ASCC3: variants seen among roughly 807,000 people sequenced by gnomAD.
ASCC3 encodes the protein ASC-1 complex subunit P200.
Under a neutral mutation model 256.3 loss-of-function variants are expected in ASCC3, and 158 were observed. That is an observed-to-expected ratio of 0.62 (90% CI 0.54 to 0.70). The LOEUF (loss-of-function observed/expected upper bound fraction) is 0.70, where lower values mean the gene tolerates loss of function less well. Ranked by LOEUF, ASCC3 falls within the 30% of genes least tolerant of loss-of-function variation. ASCC3 has a pLI of 0.00. For synonymous variants in ASCC3, 948 were observed against 883.4 expected (o/e 1.07, Z -1.30); for missense variants, 2,259 against 2,626.0 (o/e 0.86, Z 3.05).
In ASCC3 at chr6:100,613,504, T is replaced by A. The variant is rs145672964; in HGVS notation, c.4786-6416A>T. 8.2e-3 allele frequency among the ~76,000 whole-genome samples: 1,241 copies of A among 152,190 alleles called. 9 individuals carry two copies. Among genetic ancestry groups the A allele is most frequent in the Non-Finnish European group, 0.011 (756 of 67,984 alleles). On this transcript the variant is annotated intron_variant, in intron 30 of 41. Transcript: ENST00000369162. ...TTCATTCTTTTTTATGGCTGAATAGTATTCTATTTTGTATATATACATTTT... is the reference window on the plus strand; with the variant it reads ...TTCATTCTTTTTTATGGCTGAATAGAATTCTATTTTGTATATATACATTTT...
intron 10 of ASCC3, among the ~76,000 whole-genome samples, chr6:100,761,682 C>T (rs906535474): frequency 2.0e-5 from 3 of 152,004 alleles, no homozygotes; most frequent in Admixed American, 2.0e-4. Flanking sequence ...ATGACTATGG[C>T]TGCACAAAAA....
intron 23 of ASCC3, 109 bp downstream of exon 23, chr6:100,643,917 CATAAA>C (rs887177384): frequency 1.5e-5 from 11 of 710,004 alleles, no homozygotes; most frequent in African/African-American, 1.4e-4. Context: ...GAAACTAAAA[CATAAA>C]ATAAAGTTTT....
intron 8 of ASCC3, among the ~76,000 whole-genome samples, chr6:100,775,989 TTTAAG>T (rs1782167563): frequency 6.6e-6 from 1 of 152,096 alleles, no homozygotes. Flanking sequence ...TAACAAATGC[TTTAAG>T]TTAAGAAAAC....
chr6:100,700,201 C>A (rs372610789), intron 13 of ASCC3, among the ~76,000 whole-genome samples: 7 of 152,114 alleles, frequency 4.6e-5, no homozygotes, highest in African/African-American at 1.7e-4. Context: ...CCCCATGCTG[C>A]GTGCAGCCTA....
At chr6:100,642,162 A>T (rs1201682949) in intron 24 of ASCC3, among the ~76,000 whole-genome samples, 1 of 126,556 alleles carries the variant, frequency 7.9e-6, no homozygotes, top group South Asian at 2.4e-4. Context: ...TTAAAGTATT[A>T]AAAAAAAAAA....
intron 4 of ASCC3, among the ~76,000 whole-genome samples, chr6:100,809,083 T>A (rs1361964220): frequency 6.6e-6 from 1 of 151,856 alleles, no homozygotes; most frequent in African/African-American, 2.4e-5. Context: ...AGTGAGTGAG[T>A]AATGAGTGAA....
intron 10 of ASCC3, among the ~76,000 whole-genome samples, chr6:100,737,693 T>G (rs564601369): frequency 5.9e-5 from 9 of 152,210 alleles, no homozygotes; most frequent in Non-Finnish European, 1.5e-5. Context: ...TGAACATACA[T>G]GTACATGTAT....
chr6:100,626,173 T>G (rs1176988186), intron 29 of ASCC3, among the ~76,000 whole-genome samples: 1 of 152,036 alleles, frequency 6.6e-6, no homozygotes, highest in Admixed American at 6.6e-5. Context: ...GTTTTTTGCT[T>G]TACATAGGCT....
chr6:100,595,303 T>A (rs915553035), intron 34 of ASCC3, among the ~76,000 whole-genome samples: 3 of 152,188 alleles, frequency 2.0e-5, no homozygotes, highest in African/African-American at 7.2e-5. Flanking sequence ...CAGCACATTG[T>A]ACACCATAAT....
At chr6:100,541,091 T>G (rs1775436994) in intron 36 of ASCC3, among the ~76,000 whole-genome samples, 1 of 151,970 alleles carries the variant, frequency 6.6e-6, no homozygotes, top group Non-Finnish European at 1.5e-5. Context: ...CTAGAACTGT[T>G]CTGTTAAAAA....
intron 5 of ASCC3, among the ~76,000 whole-genome samples, chr6:100,802,878 C>T (rs1382030224): frequency 6.6e-6 from 1 of 151,628 alleles, no homozygotes; most frequent in East Asian, 1.9e-4. Context: ...CATGGTGGCA[C>T]ACACCTGTGG....
intron 23 of ASCC3, among the ~76,000 whole-genome samples, 187 bp from the exon 24 acceptor site, chr6:100,642,936 T>C (rs1775201633): frequency 6.6e-6 from 1 of 152,160 alleles, no homozygotes; most frequent in Non-Finnish European, 1.5e-5. Context: ...GGATACCTGA[T>C]AGAAGGTAAA....
At chr6:100,734,276 T>C (rs542606947) in intron 10 of ASCC3, among the ~76,000 whole-genome samples, 40 of 152,346 alleles carry the variant, frequency 2.6e-4, no homozygotes, top group African/African-American at 8.7e-4. Context: ...ATAGGTACTA[T>C]GTATTTATAT....
intron 39 of ASCC3, among the ~76,000 whole-genome samples, chr6:100,514,492 G>A (rs982738473): frequency 6.6e-6 from 1 of 151,762 alleles, no homozygotes; most frequent in Non-Finnish European, 1.5e-5. Flanking sequence ...TAACTCATTG[G>A]GATTTTACTT....
chr6:100,727,613 T>C (rs939733022), intron 10 of ASCC3, among the ~76,000 whole-genome samples: 2 of 151,954 alleles, frequency 1.3e-5, no homozygotes, highest in South Asian at 4.1e-4. Context: ...CCCAGAGCTA[T>C]GCAGCTATGG....
intron 22 of ASCC3, among the ~76,000 whole-genome samples, chr6:100,645,068 T>G (rs1184797142): frequency 6.6e-6 from 1 of 152,182 alleles, no homozygotes; most frequent in African/African-American, 2.4e-5. Context: ...AAGTTTTCCA[T>G]TCTTGAAGCC....
At chr6:100,645,138 T>G (rs1197027450) in intron 22 of ASCC3, among the ~76,000 whole-genome samples, 1 of 152,164 alleles carries the variant, frequency 6.6e-6, no homozygotes, top group Non-Finnish European at 1.5e-5. Context: ...GTCTTACTAA[T>G]GAATTAAATC....
chr6:100,872,354 C>CA (rs1426279944), intron 1 of ASCC3, among the ~76,000 whole-genome samples: 1 of 151,882 alleles, frequency 6.6e-6, no homozygotes, highest in African/African-American at 2.4e-5. Context: ...ATAATACACT[C>CA]AACCTCTAAG....
At chr6:100,577,471 TTC>T (rs1267156213) in intron 36 of ASCC3, among the ~76,000 whole-genome samples, 2 of 152,068 alleles carry the variant, frequency 1.3e-5, no homozygotes, top group African/African-American at 4.8e-5. Flanking sequence ...CATTCAGACT[TTC>T]TCTCTGATGT....
Sources: allele counts gnomAD v4.1 joint callset (sites outside exome capture counted in the v4.1 genomes callset), GRCh38; gene constraint gnomAD v4.1.1; transcripts MANE v1.5; gene names NCBI Gene and HGNC (gene_info 2026-07-23, HGNC 2026-07-21).